Variants in MICAL3 observed in about 807,000 individuals in gnomAD.
MICAL3 encodes microtubule associated monooxygenase, calponin and LIM domain containing 3.
A neutral mutation model predicts 207.4 loss-of-function variants in MICAL3; 62 were observed. The observed-to-expected ratio is 0.30, with a 90% confidence interval of 0.24 to 0.37. MICAL3 has a LOEUF of 0.37. MICAL3 is among the 10% of genes least tolerant of loss of function. MICAL3 has a pLI of 1.00. For missense variants in MICAL3, 2,368 were observed against 2,635.6 expected, an observed-to-expected ratio of 0.90 and a Z score of 2.22; for synonymous variants, 1,077 against 1,069.3, an observed-to-expected ratio of 1.01 and a Z score of -0.14.
At chr22:17,860,978 A>C (rs1014850297) in intron 19 of MICAL3, 2 of 983,862 alleles carry the variant, frequency 2.0e-6, no homozygotes, top group Non-Finnish European at 2.4e-6. Context: ...TATATGTGCA[A>C]TTAGATCTAT....
intron 17 of MICAL3, among the ~76,000 whole-genome samples, chr22:17,869,887 G>A (rs970780436): frequency 6.6e-6 from 1 of 152,178 alleles, no homozygotes; most frequent in African/African-American, 2.4e-5. Context: ...GTGTTGGGGC[G>A]CAGCACAAGG....
chr22:17,999,344 C>T (rs141849236), intron 1 of MICAL3, among the ~76,000 whole-genome samples: 33 of 152,274 alleles, frequency 2.2e-4, no homozygotes, highest in African/African-American at 6.7e-4. Flanking sequence ...AGGACCAAGA[C>T]GTGAGTTTCA....
At chr22:17,936,889 C>A (rs145168427) in intron 1 of MICAL3, among the ~76,000 whole-genome samples, 11 of 152,192 alleles carry the variant, frequency 7.2e-5, no homozygotes, top group African/African-American at 2.7e-4. Context: ...GGGAACAGCA[C>A]GTGCTTGGTC....
chr22:17,949,496 C>A (rs183120260), intron 1 of MICAL3, among the ~76,000 whole-genome samples: 40 of 152,318 alleles, frequency 2.6e-4, no homozygotes, highest in Admixed American at 2.6e-3. Context: ...CTGCTTCCAA[C>A]ACCTGTGCCC....
intron 20 of MICAL3, among the ~76,000 whole-genome samples, chr22:17,838,586 G>C (rs1036409441): frequency 2.0e-5 from 3 of 152,168 alleles, no homozygotes; most frequent in Non-Finnish European, 1.5e-5. Flanking sequence ...CTGAAGCAGG[G>C]AGAGGTTAAG....
chr22:17,967,463 A>AACACAC (rs71184751), intron 1 of MICAL3, among the ~76,000 whole-genome samples: 3,801 of 126,102 alleles, frequency 0.03, 71 homozygotes, highest in African/African-American at 0.058. Flanking sequence ...TGTACATGCA[A>AACACAC]ACACACACAC....
intron 1 of MICAL3, among the ~76,000 whole-genome samples, chr22:17,909,593 G>A (rs963407467): frequency 6.6e-6 from 1 of 152,204 alleles, no homozygotes; most frequent in Non-Finnish European, 1.5e-5. Context: ...ACATGGCCAA[G>A]AGGCCAGCAA....
At chr22:18,001,513 G>A (rs1393900439) in intron 1 of MICAL3, 1 of 152,424 alleles carries the variant, frequency 6.6e-6, no homozygotes. Flanking sequence ...GCGCAGCCGG[G>A]GGATGGGCGG....
chr22:17,843,239 T>C (rs1277194304), intron 19 of MICAL3, among the ~76,000 whole-genome samples: 2 of 152,200 alleles, frequency 1.3e-5, no homozygotes, highest in Non-Finnish European at 2.9e-5. Context: ...ACTCGGATTT[T>C]TGAAAATGTG....
intron 7 of MICAL3, among the ~76,000 whole-genome samples, chr22:17,899,147 G>A (rs1167009090): frequency 1.3e-5 from 2 of 152,248 alleles, no homozygotes; most frequent in Non-Finnish European, 2.9e-5. Flanking sequence ...ATCCAGTGGT[G>A]AAGAAGGAGT....
At chr22:17,989,576 C>T (rs1208970791) in intron 1 of MICAL3, among the ~76,000 whole-genome samples, 4 of 152,260 alleles carry the variant, frequency 2.6e-5, no homozygotes, top group Middle Eastern at 3.4e-3. Context: ...CCTGAGCCTG[C>T]GCTCACCCCA....
At chr22:17,830,819 G>A (rs1317082633) in intron 21 of MICAL3, among the ~76,000 whole-genome samples, 5 of 152,338 alleles carry the variant, frequency 3.3e-5, no homozygotes, top group East Asian at 3.9e-4. Flanking sequence ...AGCTGTTCTC[G>A]CGGACGCCCA....
intron 1 of MICAL3, among the ~76,000 whole-genome samples, chr22:17,958,907 T>C (rs986661654): frequency 6.6e-6 from 1 of 151,556 alleles, no homozygotes; most frequent in Non-Finnish European, 1.5e-5. Flanking sequence ...GGTTTCATCA[T>C]GTTGGCCAAG....
chr22:17,877,004 G>A (rs372202206), intron 16 of MICAL3: 3 of 72,382 alleles, frequency 4.1e-5, no homozygotes, highest in African/African-American at 8.3e-5. Context: ...AGGTGAGGGA[G>A]GTTATGGAGG....
chr22:17,973,786 T>C (rs1935522532), intron 1 of MICAL3, among the ~76,000 whole-genome samples: 1 of 152,042 alleles, frequency 6.6e-6, no homozygotes, highest in Non-Finnish European at 1.5e-5. Flanking sequence ...CCAGGCATGG[T>C]GGCACGCACT....
intron 1 of MICAL3, among the ~76,000 whole-genome samples, chr22:18,007,831 G>A (rs1264826464): frequency 8.9e-5 from 13 of 145,528 alleles, no homozygotes; most frequent in Non-Finnish European, 1.2e-4. Flanking sequence ...GCTGAGGCAG[G>A]AGAATGGCGT....
chr22:18,016,958 C>A (rs1227127999), intron 1 of MICAL3, among the ~76,000 whole-genome samples: 1 of 151,366 alleles, frequency 6.6e-6, no homozygotes, highest in African/African-American at 2.4e-5. Flanking sequence ...AAAAAAGTTT[C>A]TTTTCTTTCT....
intron 17 of MICAL3, among the ~76,000 whole-genome samples, chr22:17,871,064 C>G (rs563377586): frequency 2.2e-4 from 34 of 152,198 alleles, no homozygotes; most frequent in Non-Finnish European, 3.8e-4. Flanking sequence ...ATCTAGGCCC[C>G]CTCATTACTC....
At chr22:17,825,219 C>T (rs1922045500) in intron 22 of MICAL3, among the ~76,000 whole-genome samples, 1 of 152,228 alleles carries the variant, frequency 6.6e-6, no homozygotes, top group Non-Finnish European at 1.5e-5. Flanking sequence ...GAGAAGTCTA[C>T]ACTCCTTGGC....
Sources: gnomAD v4.1 joint callset for allele counts (sites outside exome capture counted in the v4.1 genomes callset) on GRCh38, gnomAD v4.1.1 for gene constraint, MANE v1.5 for transcripts, NCBI Gene and HGNC (gene_info 2026-07-23, HGNC 2026-07-21) for gene names.